E2F3: variants seen among roughly 807,000 people sequenced by gnomAD.
The protein encoded by E2F3 is transcription factor E2F3.
Under a neutral mutation model 44.4 loss-of-function variants are expected in E2F3, and 11 were observed. That is an observed-to-expected ratio of 0.25 (90% CI 0.16 to 0.41). E2F3 has a LOEUF of 0.41. Among genes scored for constraint, E2F3 ranks in the 10% least tolerant of loss-of-function variants. The pLI is 1.00. For synonymous variants in E2F3, 249 were observed against 253.0 expected (o/e 0.98, Z 0.15); for missense variants, 487 against 583.6 (o/e 0.83, Z 1.70).
rs1203616970 is a variant in E2F3, at chr6:20,402,537, C to T, written c.305C>T (p.Thr102Met). The T allele has an allele frequency of 6.3e-7, 1 of 1,596,208 alleles. No homozygotes were observed. The highest frequency in any genetic ancestry group is 8.5e-7 in the Non-Finnish European group (1 of 1,177,804). ...ACCGCCGGCAGCCTCCTCTACACCACGCCGCACGGACCCTCCAGCAGAGCC... is the reference window on the plus strand; with the variant it reads ...ACCGCCGGCAGCCTCCTCTACACCATGCCGCACGGACCCTCCAGCAGAGCC... ...EQTAGSLLYT[T>M]PHGPSSRAGL... The change falls in exon 1 of 7, where the codon ACG becomes ATG. Residue 102 changes from threonine to methionine, a missense_variant. By Grantham distance (81) the Thr-to-Met change is moderately conservative. This residue lies in a region of E2F3 where 238 missense variants were observed against 236.0 expected (regional missense o/e 1.01). Coordinates refer to ENST00000346618, the MANE Select transcript of E2F3 (RefSeq NM_001949.5). The surrounding 1 kb of genome is among the most constrained non-coding windows in gnomAD (Gnocchi z 5.6).
At chr6:20,441,795 T>G (rs1318815128) in intron 1 of E2F3, among the ~76,000 whole-genome samples, 4 of 151,198 alleles carry the variant, frequency 2.6e-5, no homozygotes, top group Non-Finnish European at 5.9e-5. Context: ...CTCGAACTCC[T>G]TACCTCAAGC....
In E2F3 at chr6:20,439,922, A is replaced by G. The variant is rs7766338; in HGVS notation, c.393+37297A>G. ...AAGTGTATACAATGGAAATACGTACATTTATGACCAATATTGGTCTCTTTC... is the reference window on the plus strand; with the variant it reads ...AAGTGTATACAATGGAAATACGTACGTTTATGACCAATATTGGTCTCTTTC... On this transcript the variant is annotated intron_variant, in intron 1 of 6. Transcript: ENST00000346618. The G allele has an allele frequency of 4.0e-3, 606 of 152,304 alleles. 10 individuals carry two copies. Among genetic ancestry groups the G allele is most frequent in the African/African-American group, 0.013 (556 of 41,558 alleles). 9.4% of individuals were successfully genotyped at this position (152,304 alleles called of 1,614,324 possible).
intron 4 of E2F3, 113 bp downstream of exon 4, chr6:20,483,033 G>A: frequency 6.8e-7 from 1 of 1,476,862 alleles, no homozygotes; most frequent in Non-Finnish European, 9.3e-7. Flanking sequence ...ATGCAAATGA[G>A]TACCTGTGTG....
intron 1 of E2F3, among the ~76,000 whole-genome samples, chr6:20,444,666 T>G (rs1760881813): frequency 6.6e-6 from 1 of 152,210 alleles, no homozygotes; most frequent in Admixed American, 6.5e-5. Context: ...TTTGTACAAC[T>G]TTTGTATCCT....
chr6:20,418,812 G>A (rs1759932745), intron 1 of E2F3, among the ~76,000 whole-genome samples: 1 of 151,762 alleles, frequency 6.6e-6, no homozygotes, highest in East Asian at 1.9e-4. Context: ...CCATGACTCT[G>A]GTGTGAAACA....
chr6:20,429,401 G>C (rs746281277), intron 1 of E2F3, among the ~76,000 whole-genome samples: 24 of 152,120 alleles, frequency 1.6e-4, no homozygotes, highest in Non-Finnish European at 2.5e-4. Context: ...TACCACCTGG[G>C]ACTTGAGTCA....
At chr6:20,484,382 G>A (rs1446074405) in intron 4 of E2F3, among the ~76,000 whole-genome samples, 1 of 152,208 alleles carries the variant, frequency 6.6e-6, no homozygotes, top group Non-Finnish European at 1.5e-5. Flanking sequence ...CCTTCCTGCA[G>A]CATGTTGAGT....
In E2F3 at chr6:20,478,414, G is replaced by A. The variant is rs73384657; in HGVS notation, c.394-1432G>A. Among the ~76,000 whole-genome samples, 236 of 152,294 alleles carry A rather than the reference G, an allele frequency of 1.5e-3. 1 individual carries two copies. The highest frequency in any genetic ancestry group is 5.4e-3 in the African/African-American group (223 of 41,556). ...GTAACCAGTGGCTATCGTAGTAGAC[G>A]GTGCAGGGTTAGCTGGTAACTTTCC... On this transcript the variant is annotated intron_variant, in intron 1 of 6. Transcript: ENST00000346618.
intron 1 of E2F3, among the ~76,000 whole-genome samples, chr6:20,433,725 T>A (rs1236559969): frequency 6.6e-6 from 1 of 152,172 alleles, no homozygotes; most frequent in Non-Finnish European, 1.5e-5. Flanking sequence ...GTGTTTCCTT[T>A]GTAATCCCAT....
intron 1 of E2F3, among the ~76,000 whole-genome samples, chr6:20,439,741 AG>A (rs1392461523): frequency 6.6e-6 from 1 of 152,146 alleles, no homozygotes; most frequent in Non-Finnish European, 1.5e-5. Context: ...TATGTTGCCC[AG>A]GCTGGTGTCA....
At chr6:20,471,568 C>T (rs777762758) in intron 1 of E2F3, among the ~76,000 whole-genome samples, 2 of 151,900 alleles carry the variant, frequency 1.3e-5, no homozygotes, top group African/African-American at 4.8e-5. Flanking sequence ...GCAAAAAGAG[C>T]GAAACTCCAC....
chr6:20,462,654 C>T (rs1761550901), intron 1 of E2F3, among the ~76,000 whole-genome samples: 1 of 151,724 alleles, frequency 6.6e-6, no homozygotes, highest in Non-Finnish European at 1.5e-5. Context: ...GACAGGGTTT[C>T]ACCAGGTTGG....
At chr6:20,450,334 A>G (rs1279223296) in intron 1 of E2F3, among the ~76,000 whole-genome samples, 1 of 152,082 alleles carries the variant, frequency 6.6e-6, no homozygotes, top group Non-Finnish European at 1.5e-5. Context: ...GTGAGATGGT[A>G]TCTCATTGTG....
chr6:20,463,380 A>G (rs532009914), intron 1 of E2F3, among the ~76,000 whole-genome samples: 2 of 152,256 alleles, frequency 1.3e-5, no homozygotes, highest in Non-Finnish European at 2.9e-5. Flanking sequence ...GAAGTCCCCT[A>G]TCTGTAAAAA....
intron 1 of E2F3, among the ~76,000 whole-genome samples, chr6:20,466,978 C>A (rs1258985495): frequency 6.6e-6 from 1 of 152,194 alleles, no homozygotes; most frequent in Non-Finnish European, 1.5e-5. Flanking sequence ...CCGCGCCCGG[C>A]CCAGTGTGTT....
At chr6:20,488,080 T>C (rs1388720662) in intron 5 of E2F3, 33 bp from the exon 6 acceptor site, 1 of 1,607,942 alleles carries the variant, frequency 6.2e-7, no homozygotes. Context: ...TAAAAGAACT[T>C]CTGATTCGAA....
chr6:20,469,582 T>C (rs886500025), intron 1 of E2F3, among the ~76,000 whole-genome samples: 24 of 152,376 alleles, frequency 1.6e-4, no homozygotes, highest in African/African-American at 5.8e-4. Context: ...CCAAAAGTTC[T>C]AAGTCAGTGA....
chr6:20,404,460 G>C (rs1759426050), intron 1 of E2F3, among the ~76,000 whole-genome samples: 2 of 152,170 alleles, frequency 1.3e-5, no homozygotes, highest in African/African-American at 4.8e-5. Flanking sequence ...TAGATCCATG[G>C]TAGCCTGATT....
At position 20,479,832 on chromosome 6, in the gene E2F3, C is replaced by A; in HGVS notation, c.394-14C>A. The A allele has an allele frequency of 6.2e-7, 1 of 1,604,632 alleles. No homozygotes were observed. The highest frequency in any genetic ancestry group is 8.5e-7 in the Non-Finnish European group (1 of 1,174,846). On this transcript the variant is annotated splice_polypyrimidine_tract_variant and intron_variant, in intron 1 of 6. Transcript: ENST00000346618. Reference sequence around the variant, plus strand: ...ATATGACCGGTGACGAGAGATCGCACTTTCTTATTACAGGCAAAGCGAAGG... The same window carrying A: ...ATATGACCGGTGACGAGAGATCGCAATTTCTTATTACAGGCAAAGCGAAGG...
Sources: gnomAD v4.1 joint callset for allele counts (sites outside exome capture counted in the v4.1 genomes callset) on GRCh38, gnomAD v4.1.1 for gene constraint, gnomAD v4.1.1 regional missense constraint, Gnocchi (gnomAD v3.1) non-coding constraint, MANE v1.5 for transcripts, NCBI Gene and HGNC (gene_info 2026-07-23, HGNC 2026-07-21) for gene names.